Variants in FCHO2 observed in about 807,000 individuals in gnomAD.
The protein encoded by FCHO2 is F-BAR domain only protein 2.
A neutral mutation model predicts 114.1 loss-of-function variants in FCHO2; 43 were observed. That is an observed-to-expected ratio of 0.38 (90% CI 0.30 to 0.49). The LOEUF (loss-of-function observed/expected upper bound fraction) is 0.49. Ranked by LOEUF, FCHO2 falls within the 20% of genes least tolerant of loss-of-function variation. The probability of loss-of-function intolerance (pLI) is 0.97; values close to 1 mark genes in which losing one functional copy is unlikely to be tolerated. For missense variants in FCHO2, 807 were observed against 950.4 expected (o/e 0.85, Z 1.98); for synonymous variants, 293 against 315.2 (o/e 0.93, Z 0.75).
Position 73,074,769 on chromosome 5 carries a change from G to T in FCHO2, c.1607G>T (p.Ser536Ile), listed in dbSNP as rs1024661788. Reference protein sequence around the residue: ...VGVSRGPSPVSLGNQDTLPVA... With the variant: ...VGVSRGPSPVILGNQDTLPVA... ...GTGTCACGGGGTCCCAGCCCTGTCA[G>T]CCTTGGAAATCAGGATACCTTACCT... Residue 536 changes from serine to isoleucine, a missense_variant, in exon 20 of 26, where the codon AGC becomes ATC. By Grantham distance (142) the Ser-to-Ile change is moderately radical. Coordinates refer to ENST00000430046, the MANE Select transcript of FCHO2 (RefSeq NM_138782.3). 3 of 1,612,816 alleles carry T rather than the reference G, an allele frequency of 1.9e-6. No individual in the cohort carries two copies. In the African/African-American group the frequency reaches 4.0e-5, roughly 22 times the overall value.
rs559570151 is a variant in FCHO2, at chr5:72,969,801, A to C, written c.125+1212A>C. 6.6e-5 allele frequency among the ~76,000 whole-genome samples: 10 copies of C among 152,320 alleles called. No individual in the cohort carries two copies. In the South Asian group the frequency reaches 2.1e-3, roughly 32 times the overall value. ...CCATAGTATGTATAACTGTCTGATA[A>C]AAGTGATATTTCATTTATTTATTTT... On this transcript the variant is annotated intron_variant, in intron 2 of 25. Transcript: ENST00000430046.
chr5:72,962,901 A>AAG (rs990902625), intron 1 of FCHO2, among the ~76,000 whole-genome samples: 4 of 152,050 alleles, frequency 2.6e-5, no homozygotes, highest in Non-Finnish European at 5.9e-5. Flanking sequence ...CAAAAAAAAA[A>AAG]AAGTATTAGA....
rs930246789 is a variant in FCHO2 at position 73,074,470 on chromosome 5, A to C, written c.1580-272A>C. On this transcript the variant is annotated intron_variant, in intron 19 of 25. Transcript: ENST00000430046. ...TTTTGAAATTTTAGCTGTTTAGTCA[A>C]GGGCTTTTTTATTCTGACATTCCTT... 2.6e-5 allele frequency among the ~76,000 whole-genome samples: 4 copies of C among 152,156 alleles called. No homozygotes were observed. The South Asian group carries it at 8.3e-4, about 32-fold the overall frequency.
intron 11 of FCHO2, 108 bp downstream of exon 11, chr5:73,041,423 A>G: frequency 3.2e-6 from 2 of 619,662 alleles, no homozygotes; most frequent in South Asian, 2.1e-5. Flanking sequence ...GAAAAATACC[A>G]TCATATTGTA....
chr5:73,012,073 TC>T (rs908144680), intron 6 of FCHO2, among the ~76,000 whole-genome samples: 5 of 152,192 alleles, frequency 3.3e-5, no homozygotes, highest in Non-Finnish European at 7.3e-5. Context: ...ACCAGTAACA[TC>T]ATTTATTATC....
chr5:72,960,488 A>C (rs72764830), intron 1 of FCHO2, among the ~76,000 whole-genome samples: 17,898 of 152,160 alleles, frequency 0.12, 1,268 homozygotes, highest in Non-Finnish European at 0.17. Context: ...TGTAAAAACA[A>C]TTGTTTTTTA....
intron 2 of FCHO2, among the ~76,000 whole-genome samples, chr5:72,969,427 CCT>C (rs573020226): frequency 2.0e-5 from 3 of 152,204 alleles, no homozygotes; most frequent in Non-Finnish European, 2.9e-5. Flanking sequence ...CTTACTCCCT[CCT>C]CTCTACTGGA....
chr5:72,997,671 G>A, intron 5 of FCHO2: 1 of 1,540,380 alleles, frequency 6.5e-7, no homozygotes, highest in Non-Finnish European at 8.9e-7. Flanking sequence ...CACCTGAGTT[G>A]GGGTTGGGGG....
intron 2 of FCHO2, among the ~76,000 whole-genome samples, chr5:72,972,895 A>G (rs1483929299): frequency 3.9e-5 from 6 of 152,194 alleles, no homozygotes; most frequent in Non-Finnish European, 8.8e-5. Context: ...TAATTTATTG[A>G]GAGTTTTTAG....
At position 73,082,755 on chromosome 5, in the gene FCHO2, T is replaced by C. The variant is rs373547409; in HGVS notation, c.2181-6T>C. On this transcript the variant is annotated splice_polypyrimidine_tract_variant and splice_region_variant and intron_variant, in intron 23 of 25. Coordinates refer to ENST00000430046, the MANE Select transcript of FCHO2 (RefSeq NM_138782.3). ...CAAAACCTGAAGATATCTGTTCTTATTGCAGGAATGCAGAACAAATGAAAG... is the reference window on the plus strand; with the variant it reads ...CAAAACCTGAAGATATCTGTTCTTACTGCAGGAATGCAGAACAAATGAAAG... 2.5e-6 allele frequency: 4 copies of C among 1,600,978 alleles called. No homozygotes were observed. Among genetic ancestry groups the C allele is most frequent in the South Asian group, 2.3e-5 (2 of 88,486 alleles).
chr5:73,015,842 TAAAG>T, intron 7 of FCHO2, 118 bp downstream of exon 7: 1 of 481,790 alleles, frequency 2.1e-6, no homozygotes, highest in Non-Finnish European at 3.6e-6. Flanking sequence ...TTTTTCCAAA[TAAAG>T]AATATGTAAA....
chr5:72,994,141 C>G (rs145439336), intron 5 of FCHO2, among the ~76,000 whole-genome samples: 296 of 152,246 alleles, frequency 1.9e-3, no homozygotes, highest in Non-Finnish European at 3.1e-3. Flanking sequence ...CAAATAGGAT[C>G]TAATTAAACG....
Position 73,046,647 on chromosome 5 carries a change from A to T in FCHO2, c.940-4702A>T, listed in dbSNP as rs544585654. Among the ~76,000 whole-genome samples, 13 of 152,290 alleles carry T rather than the reference A, an allele frequency of 8.5e-5. 1 individual carries two copies. The South Asian group carries it at 1.7e-3, about 19-fold the overall frequency. On this transcript the variant is annotated intron_variant, in intron 11 of 25. Transcript: ENST00000430046. ...AACCTTTCATTCTGATTTCTAAAAG[A>T]TTCACAATTAGCAAAGTTTCCTTAT...
At chr5:72,958,220 ACTTGTG>A (rs1397262058) in intron 1 of FCHO2, among the ~76,000 whole-genome samples, 1 of 151,378 alleles carries the variant, frequency 6.6e-6, no homozygotes, top group Non-Finnish European at 1.5e-5. Flanking sequence ...TTTTTCTATT[ACTTGTG>A]CTTTTATTGC....
chr5:73,054,628 G>A, intron 15 of FCHO2, 79 bp downstream of exon 15: 2 of 1,069,614 alleles, frequency 1.9e-6, no homozygotes, highest in Non-Finnish European at 2.7e-6. Context: ...ACCTTTAGCT[G>A]TAGAAATAAA....
intron 6 of FCHO2, among the ~76,000 whole-genome samples, chr5:73,010,840 C>A (rs1754964846): frequency 7.3e-6 from 1 of 136,666 alleles, no homozygotes; most frequent in South Asian, 2.3e-4. Context: ...TGTGCCACTG[C>A]ACTCCAGCCT....
At chr5:73,068,082 A>G (rs1742448461) in intron 18 of FCHO2, among the ~76,000 whole-genome samples, 1 of 152,082 alleles carries the variant, frequency 6.6e-6, no homozygotes, top group African/African-American at 2.4e-5. Context: ...GTAAAGGACA[A>G]GCAATATTTA....
intron 8 of FCHO2, among the ~76,000 whole-genome samples, chr5:73,022,145 A>G (rs1238727946): frequency 1.3e-5 from 2 of 152,178 alleles, no homozygotes; most frequent in African/African-American, 2.4e-5. Context: ...ATAAATTTTA[A>G]TTTTGAGAAT....
At chr5:72,991,685 A>T (rs1753820940) in intron 5 of FCHO2, among the ~76,000 whole-genome samples, 1 of 152,142 alleles carries the variant, frequency 6.6e-6, no homozygotes, top group African/African-American at 2.4e-5. Context: ...TTGATGTGGT[A>T]TATCTCACTT....
Sources: allele counts gnomAD v4.1 joint callset (sites outside exome capture counted in the v4.1 genomes callset), GRCh38; gene constraint gnomAD v4.1.1; transcripts MANE v1.5; gene names NCBI Gene and HGNC (gene_info 2026-07-23, HGNC 2026-07-21).